WWOX: variants seen among roughly 807,000 people sequenced by gnomAD.
The protein encoded by WWOX is WW domain containing oxidoreductase, also known as WW domain-containing oxidoreductase.
A neutral mutation model predicts 46.2 loss-of-function variants in WWOX; 69 were observed. The observed-to-expected ratio is 1.49, with a 90% CI of 1.23 to 1.82. The LOEUF (loss-of-function observed/expected upper bound fraction) is 1.82. Ranked by LOEUF, WWOX falls within the 40% of genes most tolerant of loss-of-function variation. The pLI is 0.00. For missense variants in WWOX, 919 were observed against 542.6 expected (o/e 1.69, Z -6.89); for synonymous variants, 359 against 202.6 (o/e 1.77, Z -6.56).
intron 8 of WWOX, among the ~76,000 whole-genome samples, chr16:78,946,939 G>C (rs1470723680): frequency 6.6e-6 from 1 of 152,156 alleles, no homozygotes; most frequent in East Asian, 1.9e-4. Flanking sequence ...AGATTGAGAT[G>C]AAATAAAGCT....
chr16:78,415,482 C>A (rs1250122666), intron 6 of WWOX, among the ~76,000 whole-genome samples: 1 of 152,082 alleles, frequency 6.6e-6, no homozygotes, highest in Non-Finnish European at 1.5e-5. Context: ...GGGAATGCAG[C>A]CCAGTAGGTC....
intron 8 of WWOX, among the ~76,000 whole-genome samples, chr16:79,131,493 C>G (rs538752037): frequency 6.6e-6 from 1 of 151,918 alleles, no homozygotes; most frequent in Non-Finnish European, 1.5e-5. Context: ...TAAGCAATAC[C>G]CCTGAATGTC....
At chr16:78,760,754 G>A (rs956125253) in intron 8 of WWOX, among the ~76,000 whole-genome samples, 1 of 152,178 alleles carries the variant, frequency 6.6e-6, no homozygotes, top group Admixed American at 6.5e-5. Context: ...CATGCCTGGA[G>A]AGCATTACAG....
intron 8 of WWOX, among the ~76,000 whole-genome samples, chr16:78,589,887 G>A (rs998837702): frequency 6.6e-6 from 1 of 152,166 alleles, no homozygotes; most frequent in Non-Finnish European, 1.5e-5. Flanking sequence ...GAAAACTCCA[G>A]GGGAAGAGGG....
At chr16:78,565,529 T>C (rs1282242270) in intron 8 of WWOX, among the ~76,000 whole-genome samples, 1 of 152,232 alleles carries the variant, frequency 6.6e-6, no homozygotes, top group East Asian at 1.9e-4. Flanking sequence ...GGCCACTCTC[T>C]TATAAGGACC....
chr16:78,256,080 G>A (rs1174234870), intron 5 of WWOX, among the ~76,000 whole-genome samples: 1 of 146,054 alleles, frequency 6.8e-6, no homozygotes, highest in Non-Finnish European at 1.5e-5. Flanking sequence ...AACCCGGGAG[G>A]CAGAGGTTGC....
rs573838305 is a variant in WWOX, at chr16:78,638,305, GGCCCAGGA to G, written c.1056+205555_1056+205562del. On this transcript the variant is annotated intron_variant, in intron 8 of 8. Coordinates refer to ENST00000566780, the MANE Select transcript of WWOX (RefSeq NM_016373.4). ...AGTCAGGATCTGAACCCAAGACATA[GGCCCAGGA>G]GTCTGTGTTTGTTCTTTAAACCTCT... Among the ~76,000 whole-genome samples, 52 of 152,294 alleles carry G rather than the reference GGCCCAGGA, an allele frequency of 3.4e-4. 1 individual carries two copies. In the South Asian group the frequency reaches 1.0e-2, roughly 29 times the overall value.
chr16:78,565,351 C>A (rs1322733916), intron 8 of WWOX, among the ~76,000 whole-genome samples: 1 of 152,234 alleles, frequency 6.6e-6, no homozygotes, highest in Non-Finnish European at 1.5e-5. Flanking sequence ...CTTCTGGAGG[C>A]TCTAGGGGAG....
intron 5 of WWOX, among the ~76,000 whole-genome samples, chr16:78,354,679 A>C (rs1597085564): frequency 6.7e-6 from 1 of 149,762 alleles, no homozygotes; most frequent in East Asian, 1.9e-4. Context: ...TTTTGGTTCA[A>C]TGTAAGAATA....
intron 1 of WWOX, among the ~76,000 whole-genome samples, 169 bp from the exon 2 acceptor site, chr16:78,108,254 A>T (rs114422535): frequency 2.0e-5 from 3 of 150,850 alleles, no homozygotes; most frequent in Non-Finnish European, 4.4e-5. Context: ...TGATTCAGCA[A>T]ACCTCCTAAA....
At chr16:78,413,596 G>C (rs1279463491) in intron 6 of WWOX, among the ~76,000 whole-genome samples, 1 of 152,074 alleles carries the variant, frequency 6.6e-6, no homozygotes, top group Non-Finnish European at 1.5e-5. Flanking sequence ...CATCAGTTAA[G>C]GCTATTTTCA....
intron 8 of WWOX, among the ~76,000 whole-genome samples, chr16:79,025,662 AT>A (rs2047623476): frequency 6.6e-6 from 1 of 152,134 alleles, no homozygotes; most frequent in African/African-American, 2.4e-5. Context: ...TACTAAGAAA[AT>A]AAATTTCTAT....
intron 8 of WWOX, among the ~76,000 whole-genome samples, chr16:78,893,430 C>G (rs1458584011): frequency 1.3e-5 from 2 of 152,072 alleles, no homozygotes; most frequent in Admixed American, 6.6e-5. Flanking sequence ...ATTGACTTCT[C>G]TTTTCTTTTA....
intron 8 of WWOX, among the ~76,000 whole-genome samples, chr16:79,109,585 A>G (rs1357142183): frequency 6.6e-6 from 1 of 152,232 alleles, no homozygotes; most frequent in African/African-American, 2.4e-5. Flanking sequence ...TAAGGCAGGC[A>G]TAAACAAGCC....
chr16:79,013,211 A>C (rs1342760180), intron 8 of WWOX, among the ~76,000 whole-genome samples: 1 of 152,160 alleles, frequency 6.6e-6, no homozygotes, highest in African/African-American at 2.4e-5. Context: ...ACTGTGCAGG[A>C]AGAGGCCTTC....
chr16:78,545,379 T>C (rs1023628156), intron 8 of WWOX, among the ~76,000 whole-genome samples: 3 of 150,590 alleles, frequency 2.0e-5, no homozygotes, highest in Non-Finnish European at 3.0e-5. Flanking sequence ...TCCATTTCTT[T>C]TAAAAAAAAA....
At chr16:78,767,347 C>G (rs924331379) in intron 8 of WWOX, among the ~76,000 whole-genome samples, 1 of 151,900 alleles carries the variant, frequency 6.6e-6, no homozygotes, top group Non-Finnish European at 1.5e-5. Flanking sequence ...GTTGCCCTGG[C>G]TGATCTTGAA....
chr16:78,554,940 G>C (rs2673786), intron 8 of WWOX, among the ~76,000 whole-genome samples: 3 of 151,986 alleles, frequency 2.0e-5, no homozygotes, highest in Admixed American at 2.0e-4. Context: ...TGCTGCATAG[G>C]CGGCCTGTTC....
At chr16:78,804,846 A>T (rs938151955) in intron 8 of WWOX, among the ~76,000 whole-genome samples, 7 of 152,246 alleles carry the variant, frequency 4.6e-5, no homozygotes, top group Admixed American at 3.9e-4. Context: ...GCATTCTGTG[A>T]TCCTTAGGAT....
Sources: gnomAD v4.1 joint callset for allele counts (sites outside exome capture counted in the v4.1 genomes callset) on GRCh38, gnomAD v4.1.1 for gene constraint, MANE v1.5 for transcripts, NCBI Gene and HGNC (gene_info 2026-07-23, HGNC 2026-07-21) for gene names.